The following PRDM10 variants were observed in gnomAD, a reference collection of about 807,000 sequenced individuals.
The protein encoded by PRDM10 is PR/SET domain 10, also known as PR domain zinc finger protein 10.
In PRDM10, 65 loss-of-function variants were observed where a neutral mutation model predicts 133.1. The observed-to-expected ratio is 0.49, with a 90% confidence interval of 0.40 to 0.60. The LOEUF (loss-of-function observed/expected upper bound fraction) is 0.60, where lower values mean the gene tolerates loss of function less well. PRDM10 is among the 20% of genes least tolerant of loss of function. The probability of loss-of-function intolerance (pLI) is 0.00; values close to 1 mark genes in which losing one functional copy is unlikely to be tolerated. For missense variants in PRDM10, 1,137 were observed against 1,507.1 expected (o/e 0.75, Z 4.07); for synonymous variants, 582 against 580.4 (o/e 1.00, Z -0.04).
At chr11:129,982,492 A>G (rs956321174) in intron 1 of PRDM10, among the ~76,000 whole-genome samples, 2 of 152,072 alleles carry the variant, frequency 1.3e-5, no homozygotes, top group Admixed American at 6.5e-5. Context: ...GTAGAAAGAT[A>G]CATATACATT....
intron 2 of PRDM10, among the ~76,000 whole-genome samples, chr11:129,960,430 G>A (rs1951774561): frequency 6.6e-6 from 1 of 152,094 alleles, no homozygotes; most frequent in Non-Finnish European, 1.5e-5. Flanking sequence ...TTGGTCAAGT[G>A]ACTAACCTCT....
intron 4 of PRDM10, among the ~76,000 whole-genome samples, chr11:129,950,459 G>A (rs569001977): frequency 1.1e-4 from 17 of 152,064 alleles, no homozygotes; most frequent in Admixed American, 3.3e-4. Flanking sequence ...AAAGTTTTAC[G>A]GGGGAAGCCA....
At chr11:129,914,403 T>C in intron 17 of PRDM10, 2 of 458,864 alleles carry the variant, frequency 4.4e-6, no homozygotes, top group Non-Finnish European at 8.0e-6. Flanking sequence ...ACCAGGATGG[T>C]TAAAGATAAG....
intron 20 of PRDM10, among the ~76,000 whole-genome samples, chr11:129,905,378 A>T (rs1454863635): frequency 1.3e-5 from 2 of 151,550 alleles, no homozygotes; most frequent in East Asian, 3.9e-4. Flanking sequence ...AAAAAAAAAA[A>T]AAAAAGGCTC....
chr11:130,002,339 G>A (rs1353691480), intron 1 of PRDM10, among the ~76,000 whole-genome samples: 1 of 151,910 alleles, frequency 6.6e-6, no homozygotes, highest in African/African-American at 2.4e-5. Flanking sequence ...GCAGGGGGAG[G>A]CTGCGCGCGG....
chr11:129,928,095 T>A (rs897041813), intron 11 of PRDM10, among the ~76,000 whole-genome samples: 1 of 152,198 alleles, frequency 6.6e-6, no homozygotes. Flanking sequence ...AAAATGTTTC[T>A]AAAGTTTAGG....
chr11:129,948,096 G>A, intron 4 of PRDM10: 1 of 456,696 alleles, frequency 2.2e-6, no homozygotes, highest in South Asian at 1.5e-5. Flanking sequence ...TCATCATGCT[G>A]AAGTCAGTCT....
At chr11:129,938,703 AATATGTACAACT>A (rs1344996977) in intron 7 of PRDM10, among the ~76,000 whole-genome samples, 2 of 152,194 alleles carry the variant, frequency 1.3e-5, no homozygotes, top group Non-Finnish European at 2.9e-5. Flanking sequence ...GTATCCCAAA[AATATGTACAACT>A]AACATGTATC....
intron 4 of PRDM10, among the ~76,000 whole-genome samples, chr11:129,953,826 C>CAAAAA (rs10542747): frequency 2.7e-5 from 2 of 73,342 alleles, no homozygotes; most frequent in South Asian, 4.0e-4. Flanking sequence ...TTTATAGTAG[C>CAAAAA]AAAAAAAAAA....
At chr11:129,983,855 G>A (rs1225653756) in intron 1 of PRDM10, among the ~76,000 whole-genome samples, 1 of 152,096 alleles carries the variant, frequency 6.6e-6, no homozygotes, top group Admixed American at 6.6e-5. Flanking sequence ...ATCAGATTCC[G>A]AAGTCCGCCA....
At chr11:129,917,311 A>AT in intron 14 of PRDM10, 74 bp from the exon 15 acceptor site, 1 of 1,099,766 alleles carries the variant, frequency 9.1e-7, no homozygotes, top group Non-Finnish European at 1.3e-6. Flanking sequence ...AATGCCTCTG[A>AT]TAATGACCGC....
Position 129,918,584 on chromosome 11 carries a change from G to A in PRDM10, c.2169C>T (p.Phe723=). The A allele has an allele frequency of 6.2e-7, 1 of 1,614,188 alleles. No individual in the cohort carries two copies. Among genetic ancestry groups the A allele is most frequent in the South Asian group, 1.1e-5 (1 of 91,086 alleles). Residue 723 remains phenylalanine (F), a synonymous_variant, in exon 14 of 21, where the codon TTC becomes TTT. Transcript: ENST00000360871. This position sits in a 1 kb window ranked among gnomAD's most constrained non-coding sequence, Gnocchi z 5.3. ...ITSTDYDSFT[F]KCRLCMMGFR... ...AGCCCATCATGCACAGGCGGCACTTGAACGTGAAGCTGTCGTAGTCTGTGG... is the reference window on the plus strand; with the variant it reads ...AGCCCATCATGCACAGGCGGCACTTAAACGTGAAGCTGTCGTAGTCTGTGG...
chr11:129,902,355 G>C lies in PRDM10; in HGVS notation c.3429C>G (p.Thr1143=), dbSNP rs770712837. The C allele has an allele frequency of 9.3e-6, 15 of 1,613,610 alleles. No homozygotes were observed. Among genetic ancestry groups the C allele is most frequent in the Non-Finnish European group, 1.2e-5 (14 of 1,179,696 alleles). Residue 1143 remains threonine (T), a synonymous_variant, in exon 21 of 21, where the codon ACC becomes ACG. Coordinates refer to ENST00000360871, the MANE Select transcript of PRDM10 (RefSeq NM_199437.2). ...GCACTTCGCTGCTTCCGTTCCCGTT[G>C]GTGGTGGTGGTGATGATGTACTGTG... The part of the protein sequence containing the change: ...QTTQYIITTT[T]NGNGSSEVHI...
intron 16 of PRDM10, 87 bp downstream of exon 16, chr11:129,915,573 A>C: frequency 7.1e-7 from 1 of 1,402,792 alleles, no homozygotes; most frequent in Non-Finnish European, 9.6e-7. Flanking sequence ...GGAGCCATCC[A>C]GGCCATGTGG....
chr11:129,925,171 T>C lies in PRDM10; in HGVS notation c.1589A>G (p.Gln530Arg), dbSNP rs781696720. The change falls in exon 12 of 21, where the codon CAG becomes CGG. Residue 530 changes from glutamine (Q) to arginine (R), a missense_variant. Around this residue, in one of 6 missense-constraint regions of PRDM10, gnomAD observed 635 missense variants for 835.2 expected, o/e 0.76. Transcript: ENST00000360871. Reference sequence around the variant, plus strand: ...CTTTTCCCGGAAGGCCTTCCCACACTGCAAGCATTTAAAAGGCCGGAAGGA... The same window carrying C: ...CTTTTCCCGGAAGGCCTTCCCACACCGCAAGCATTTAAAAGGCCGGAAGGA... ...RKSFRPFKCL[Q>R]CGKAFREKDK... 6.2e-7 allele frequency: 1 copy of C among 1,614,054 alleles called. No homozygotes were observed. Among genetic ancestry groups the C allele is most frequent in the Non-Finnish European group, 8.5e-7 (1 of 1,179,988 alleles).
intron 13 of PRDM10, among the ~76,000 whole-genome samples, chr11:129,920,445 G>C (rs935716548): frequency 2.0e-5 from 3 of 152,080 alleles, no homozygotes; most frequent in African/African-American, 7.2e-5. Flanking sequence ...GCAAGTTCTT[G>C]TCAGCCTCCC....
Position 129,979,429 on chromosome 11 carries a change from C to G in PRDM10, c.-118-18347G>C, listed in dbSNP as rs537803151. On this transcript the variant is annotated intron_variant, in intron 1 of 20. Coordinates refer to ENST00000360871, the MANE Select transcript of PRDM10 (RefSeq NM_199437.2). The stretch of plus-strand genomic sequence containing the variant: ...CTGCAGAGGGCAGAGCAGCGCAGTT[C>G]GGAGCTCACCTGAGGCTGGTTTGCA... Among the ~76,000 whole-genome samples the G allele has an allele frequency of 7.4e-4, 112 of 152,252 alleles. 1 individual carries two copies. The highest frequency in any genetic ancestry group is 2.7e-3 in the African/African-American group (111 of 41,544).
intron 1 of PRDM10, among the ~76,000 whole-genome samples, chr11:129,979,811 A>G (rs1938003876): frequency 6.6e-6 from 1 of 151,990 alleles, no homozygotes; most frequent in African/African-American, 2.4e-5. Flanking sequence ...CTGCCTTCAC[A>G]GCCCTTCAGG....
Position 129,937,644 on chromosome 11 carries a change from C to T in PRDM10, c.993G>A (p.Glu331=). Residue 331 remains glutamate (E), a synonymous_variant, in exon 8 of 21, where the codon GAG becomes GAA. Transcript: ENST00000360871. ...LKVWYAASYA[E]FVNQKIHDIS... ...TGTCATGAATTTTCTGGTTCACGAA[C>T]TCAGCATAGGATGCGGCATACCACA... 6.2e-7 allele frequency: 1 copy of T among 1,613,832 alleles called. No individual in the cohort carries two copies.
Sources: allele counts gnomAD v4.1 joint callset (sites outside exome capture counted in the v4.1 genomes callset), GRCh38; gene constraint gnomAD v4.1.1; regional missense constraint gnomAD v4.1.1; non-coding constraint Gnocchi (gnomAD v3.1); transcripts MANE v1.5; gene names NCBI Gene and HGNC (gene_info 2026-07-23, HGNC 2026-07-21).